ITGA2: variants seen among roughly 807,000 people sequenced by gnomAD.
ITGA2 encodes the protein integrin alpha-2.
A neutral mutation model predicts 146.3 loss-of-function variants in ITGA2; 101 were observed. That is an observed-to-expected ratio of 0.69 (90% CI 0.59 to 0.81). The LOEUF (loss-of-function observed/expected upper bound fraction) is 0.81, where lower values mean the gene tolerates loss of function less well. ITGA2 is among the 40% of genes least tolerant of loss of function. The probability of loss-of-function intolerance (pLI) is 0.00; values close to 1 mark genes in which losing one functional copy is unlikely to be tolerated. For missense variants in ITGA2, 1,281 were observed against 1,402.7 expected (o/e 0.91, Z 1.39); for synonymous variants, 477 against 487.1 (o/e 0.98, Z 0.27).
chr5:53,060,760 C>T lies in ITGA2; in HGVS notation c.1313-141C>T, dbSNP rs573323331. ...CATCTTAGAAAAAGGAAGACATGTC[C>T]TCAGTGATGTATTCAGGAGCACTAG... On this transcript the variant is annotated intron_variant, in intron 11 of 29. Transcript: ENST00000296585. 76 of 790,204 alleles carry T rather than the reference C, an allele frequency of 9.6e-5. 1 individual carries two copies. Among genetic ancestry groups the T allele is most frequent in the Middle Eastern group, 9.5e-4 (4 of 4,206 alleles). The allele number at this position is 790,204 out of a possible 1,614,324, so 48.9% of individuals were successfully genotyped here.
chr5:53,000,989 A>T (rs555354433), intron 1 of ITGA2, among the ~76,000 whole-genome samples: 1 of 142,876 alleles, frequency 7.0e-6, no homozygotes, highest in Non-Finnish European at 1.5e-5. Context: ...GCAACTTCCA[A>T]CTCCCGGGTT....
chr5:53,024,296 TAA>T (rs1387830711), intron 1 of ITGA2, among the ~76,000 whole-genome samples: 1 of 152,190 alleles, frequency 6.6e-6, no homozygotes, highest in Non-Finnish European at 1.5e-5. Context: ...ATAAACATTA[TAA>T]TTTAAATAGA....
At chr5:53,060,863 AGTCAAT>A (rs1376957008) in intron 11 of ITGA2, 32 bp from the exon 12 acceptor site, 2 of 1,601,012 alleles carry the variant, frequency 1.2e-6, no homozygotes. Flanking sequence ...TTGCTCAGAT[AGTCAAT>A]GTTAATCACT....
Position 53,048,739 on chromosome 5 carries a change from A to G in ITGA2, c.599A>G (p.Gln200Arg), listed in dbSNP as rs763653504. The G allele has an allele frequency of 1.5e-5, 24 of 1,614,080 alleles. No individual in the cohort carries two copies. The highest frequency in any genetic ancestry group is 1.6e-4 in the Middle Eastern group (1 of 6,062). The change falls in exon 6 of 30, where the codon CAA becomes CGA. Residue 200 changes from glutamine to arginine, a missense_variant. By Grantham distance (43) the Gln-to-Arg change is conservative (BLOSUM62 1). Around this residue, in one of 3 missense-constraint regions of ITGA2, gnomAD observed 795 missense variants for 841.7 expected, o/e 0.94. Coordinates refer to ENST00000296585, the MANE Select transcript of ITGA2 (RefSeq NM_002203.4). Reference sequence around the variant, plus strand: ...AAGAATTTTTTGGAAAAATTTGTACAAGGCCTGGATATAGGCCCCACAAAG... The same window carrying G: ...AAGAATTTTTTGGAAAAATTTGTACGAGGCCTGGATATAGGCCCCACAAAG... ...AVKNFLEKFVQGLDIGPTKTQ... is the reference protein window; with the variant it reads ...AVKNFLEKFVRGLDIGPTKTQ...
intron 15 of ITGA2, among the ~76,000 whole-genome samples, 183 bp from the exon 16 acceptor site, chr5:53,066,934 TA>T (rs775777802): frequency 4.5e-4 from 68 of 150,744 alleles, no homozygotes; most frequent in African/African-American, 1.3e-3. Context: ...AGTCACAAAT[TA>T]AAAAAAAAAT....
intron 6 of ITGA2, among the ~76,000 whole-genome samples, chr5:53,050,537 T>C (rs1744307883): frequency 6.6e-6 from 1 of 152,116 alleles, no homozygotes; most frequent in South Asian, 2.1e-4. Flanking sequence ...ACACAGCAGA[T>C]GGAACTCAGA....
Position 53,060,960 on chromosome 5 carries a change from C to T in ITGA2, c.1372C>T (p.Arg458Trp), listed in dbSNP as rs377150294. The T allele has an allele frequency of 3.7e-5, 60 of 1,612,268 alleles. No individual in the cohort carries two copies. The highest frequency in any genetic ancestry group is 1.5e-4 in the South Asian group (14 of 91,054). ...ESTHFVAGAP[R>W]ANYTGQIVLY... The stretch of plus-strand genomic sequence containing the variant: ...CACTCACTTTGTTGCTGGTGCTCCT[C>T]GGGCAAATTATACCGGCCAGATAGT... The change falls in exon 12 of 30, where the codon CGG becomes TGG. Residue 458 changes from arginine (R) to tryptophan (W), a missense_variant. This residue lies in a region of ITGA2 where 795 missense variants were observed against 841.7 expected (regional missense o/e 0.94). Transcript: ENST00000296585.
At chr5:53,075,928 T>C (rs1745644029) in intron 23 of ITGA2, among the ~76,000 whole-genome samples, 1 of 152,094 alleles carries the variant, frequency 6.6e-6, no homozygotes, top group East Asian at 1.9e-4. Context: ...TCCCTGTTTT[T>C]ACCTGCCCAA....
intron 10 of ITGA2, among the ~76,000 whole-genome samples, chr5:53,058,678 G>A (rs1744756068): frequency 1.3e-5 from 2 of 150,334 alleles, no homozygotes; most frequent in Admixed American, 1.3e-4. Flanking sequence ...AGTGAAAGGA[G>A]GCGAAAAAAA....
intron 11 of ITGA2, 125 bp downstream of exon 11, chr5:53,060,137 A>G: frequency 1.0e-6 from 1 of 981,928 alleles, no homozygotes; most frequent in Non-Finnish European, 1.6e-6. Flanking sequence ...TATTTATTAC[A>G]CATACATATG....
intron 1 of ITGA2, among the ~76,000 whole-genome samples, chr5:53,014,897 A>G (rs1742327166): frequency 6.6e-6 from 1 of 151,986 alleles, no homozygotes; most frequent in Non-Finnish European, 1.5e-5. Flanking sequence ...GGTGTTCATA[A>G]TGGACTCTAA....
chr5:53,060,817 C>T (rs776980359), intron 11 of ITGA2, 84 bp from the exon 12 acceptor site: 122 of 1,295,884 alleles, frequency 9.4e-5, no homozygotes, highest in Non-Finnish European at 1.2e-4. Flanking sequence ...ACAAAAGGAT[C>T]TCTGGTCACC....
intron 2 of ITGA2, among the ~76,000 whole-genome samples, chr5:53,038,488 G>A (rs3797497): frequency 0.37 from 56,156 of 151,926 alleles, 10,701 homozygotes; most frequent in Middle Eastern, 0.46. Flanking sequence ...GCTGTGCTTC[G>A]TGTCCAGTCT....
At chr5:52,990,521 TCAAAAC>T (rs1740890071) in intron 1 of ITGA2, among the ~76,000 whole-genome samples, 2 of 151,116 alleles carry the variant, frequency 1.3e-5, no homozygotes, top group African/African-American at 4.9e-5. Context: ...TGAACAGCGA[TCAAAAC>T]AAAACAAAAA....
rs200220034 is a variant in ITGA2, at chr5:53,056,050, G to T, written c.997G>T (p.Ala333Ser). The change falls in exon 9 of 30, where the codon GCT (alanine) becomes TCT (serine). Residue 333 changes from alanine (A) to serine (S), a missense_variant. Physicochemically the swap from Ala to Ser is moderately conservative, Grantham distance 99 (BLOSUM62 1). Transcript: ENST00000296585. Reference protein sequence around the residue: ...KNLIKEIKAIASIPTERYFFN... With the variant: ...KNLIKEIKAISSIPTERYFFN... ...TTTAATAAAAGAAATAAAAGCAATC[G>T]CTAGTATTCCAACAGAAAGATACTT... 1.2e-6 allele frequency: 2 copies of T among 1,610,200 alleles called. No individual in the cohort carries two copies. Among genetic ancestry groups the T allele is most frequent in the Admixed American group, 1.7e-5 (1 of 59,744 alleles).
At chr5:52,999,259 A>T (rs1319389153) in intron 1 of ITGA2, among the ~76,000 whole-genome samples, 1 of 152,186 alleles carries the variant, frequency 6.6e-6, no homozygotes, top group Non-Finnish European at 1.5e-5. Context: ...GCTCATAGTA[A>T]GCACTCAGAA....
chr5:53,074,266 T>C, intron 20 of ITGA2, 119 bp from the exon 21 acceptor site: 2 of 769,128 alleles, frequency 2.6e-6, no homozygotes, highest in South Asian at 2.9e-5. Flanking sequence ...TAATAAATTA[T>C]TTCAGTATGA....
Position 53,094,717 on chromosome 5 carries a change from T to G in ITGA2, c.*4118T>G, listed in dbSNP as rs1428096044. 6.6e-6 allele frequency: 1 copy of G among 152,224 alleles called. No homozygotes were observed. Among genetic ancestry groups the G allele is most frequent in the Non-Finnish European group, 1.5e-5 (1 of 68,040 alleles). The allele number at this position is 152,224 out of a possible 1,614,324, so 9.4% of individuals were successfully genotyped here. On this transcript the variant is annotated 3_prime_UTR_variant, in exon 30 of 30. Coordinates refer to ENST00000296585, the MANE Select transcript of ITGA2 (RefSeq NM_002203.4). The stretch of plus-strand genomic sequence containing the variant: ...TGTAACCCACTTTTTTCATACCACA[T>G]TATTGAATATTGTTACAATTGTTTT...
At chr5:53,056,176 A>G (rs746819324) in intron 9 of ITGA2, 27 bp downstream of exon 9, 1 of 1,596,242 alleles carries the variant, frequency 6.3e-7, no homozygotes, top group Non-Finnish European at 8.6e-7. Flanking sequence ...CCTTTCAAGA[A>G]TTTTCTTCAA....
Sources: allele counts gnomAD v4.1 joint callset (sites outside exome capture counted in the v4.1 genomes callset), GRCh38; gene constraint gnomAD v4.1.1; regional missense constraint gnomAD v4.1.1; transcripts MANE v1.5; gene names NCBI Gene and HGNC (gene_info 2026-07-23, HGNC 2026-07-21).